Variants in SMAP1 observed in about 807,000 individuals in gnomAD.
The protein encoded by SMAP1 is stromal membrane-associated protein 1.
SMAP1 carries 24 observed loss-of-function variants against 58.5 expected under a neutral mutation model. That is an observed-to-expected ratio of 0.41 (90% CI 0.30 to 0.58). The LOEUF (loss-of-function observed/expected upper bound fraction) is 0.58. Among genes scored for constraint, SMAP1 ranks in the 20% least tolerant of loss-of-function variants. SMAP1 has a pLI of 0.29. For synonymous variants in SMAP1, 216 were observed against 196.6 expected (o/e 1.10, Z -0.82); for missense variants, 563 against 566.3 (o/e 0.99, Z 0.06).
rs944942104 is a variant in SMAP1, at chr6:70,858,010, T to C, written c.1050T>C (p.Pro350=). 3 of 1,614,042 alleles carry C rather than the reference T, an allele frequency of 1.9e-6. No homozygotes were observed. The highest frequency in any genetic ancestry group is 1.7e-5 in the Admixed American group (1 of 60,008). Reference sequence around the variant, plus strand: ...TTCCATCGATGGGCGTGCCTGTGCCTGCAGCTCCTGGCCTTATAGGAAATG... The same window carrying C: ...TTCCATCGATGGGCGTGCCTGTGCCCGCAGCTCCTGGCCTTATAGGAAATG... The part of the protein sequence containing the change: ...QGFPSMGVPV[P]AAPGLIGNVM... The change falls in exon 10 of 11, where the codon CCT becomes CCC. Residue 350 remains proline (P), a synonymous_variant. Transcript: ENST00000370455.
chr6:70,723,444 A>T (rs1768619942), intron 1 of SMAP1, among the ~76,000 whole-genome samples: 1 of 151,892 alleles, frequency 6.6e-6, no homozygotes, highest in African/African-American at 2.4e-5. Flanking sequence ...TGCCTTGATT[A>T]CTCTTTCCCC....
At chr6:70,677,905 A>G (rs1766551097) in intron 1 of SMAP1, among the ~76,000 whole-genome samples, 1 of 152,136 alleles carries the variant, frequency 6.6e-6, no homozygotes, top group Non-Finnish European at 1.5e-5. Context: ...TATTAATGTC[A>G]GTATTTCTAC....
chr6:70,677,878 C>T (rs942352443), intron 1 of SMAP1, among the ~76,000 whole-genome samples: 1 of 152,122 alleles, frequency 6.6e-6, no homozygotes, highest in African/African-American at 2.4e-5. Flanking sequence ...AATTGTTTCA[C>T]TGTAATGCTT....
At chr6:70,758,614 G>A (rs1766616608) in intron 3 of SMAP1, among the ~76,000 whole-genome samples, 1 of 152,112 alleles carries the variant, frequency 6.6e-6, no homozygotes, top group Admixed American at 6.6e-5. Flanking sequence ...AGGAAGAATA[G>A]TTGGAGGTGG....
intron 6 of SMAP1, among the ~76,000 whole-genome samples, chr6:70,799,053 G>T (rs2149953271): frequency 6.6e-6 from 1 of 152,186 alleles, no homozygotes; most frequent in Admixed American, 6.5e-5. Context: ...AGAGAATGAA[G>T]AGAACATAAA....
At chr6:70,811,471 G>A (rs973799210) in intron 6 of SMAP1, among the ~76,000 whole-genome samples, 5 of 152,022 alleles carry the variant, frequency 3.3e-5, no homozygotes, top group South Asian at 2.1e-4. Flanking sequence ...TGCCTGTTAC[G>A]CGATCCTCGG....
intron 2 of SMAP1, among the ~76,000 whole-genome samples, chr6:70,733,239 A>T (rs1582081536): frequency 6.6e-6 from 1 of 152,208 alleles, no homozygotes; most frequent in Non-Finnish European, 1.5e-5. Flanking sequence ...AGACTCAGTG[A>T]TACATCTCAG....
chr6:70,772,316 T>G (rs760624298), intron 3 of SMAP1, among the ~76,000 whole-genome samples: 3 of 152,190 alleles, frequency 2.0e-5, no homozygotes, highest in African/African-American at 2.4e-5. Context: ...TTAAAAAATT[T>G]TTATGAATGG....
At chr6:70,680,102 T>TCAA (rs140699249) in intron 1 of SMAP1, among the ~76,000 whole-genome samples, 32,311 of 150,330 alleles carry the variant, frequency 0.21, 3,502 homozygotes, top group South Asian at 0.25. Context: ...GATAGTCTTT[T>TCAA]CAACAACAAC....
intron 6 of SMAP1, among the ~76,000 whole-genome samples, chr6:70,836,053 G>A (rs745825812): frequency 6.6e-6 from 1 of 152,160 alleles, no homozygotes; most frequent in Non-Finnish European, 1.5e-5. Flanking sequence ...TGTGTCTCAT[G>A]TATCATACAG....
chr6:70,669,204 G>C (rs1328874739), intron 1 of SMAP1, among the ~76,000 whole-genome samples: 1 of 152,114 alleles, frequency 6.6e-6, no homozygotes, highest in African/African-American at 2.4e-5. Flanking sequence ...AAATAGGGTA[G>C]TTCTCTAAAG....
intron 7 of SMAP1, among the ~76,000 whole-genome samples, chr6:70,846,156 C>T (rs182018064): frequency 6.6e-6 from 1 of 152,220 alleles, no homozygotes; most frequent in Non-Finnish European, 1.5e-5. Flanking sequence ...GATTTGTAGC[C>T]AGGAGATTGC....
At chr6:70,835,545 G>T (rs560344669) in intron 6 of SMAP1, among the ~76,000 whole-genome samples, 1 of 152,190 alleles carries the variant, frequency 6.6e-6, no homozygotes, top group East Asian at 1.9e-4. Flanking sequence ...TTACTCTGTT[G>T]CCCAGGCTGG....
At chr6:70,768,179 A>T (rs543391347) in intron 3 of SMAP1, among the ~76,000 whole-genome samples, 8 of 152,292 alleles carry the variant, frequency 5.3e-5, no homozygotes, top group Admixed American at 2.0e-4. Flanking sequence ...TTTTTGCATC[A>T]ATGTTCATCA....
In SMAP1 at chr6:70,756,470, A is replaced by C. The variant is rs184656408; in HGVS notation, c.338+1405A>C. On this transcript the variant is annotated intron_variant, in intron 3 of 10. Coordinates refer to ENST00000370455, the MANE Select transcript of SMAP1 (RefSeq NM_001044305.3). ...TCTGATATCCGAAGCTGTATTTGTTATAGAAAGTTTGCAGGGTTAATGGTA... is the reference window on the plus strand; with the variant it reads ...TCTGATATCCGAAGCTGTATTTGTTCTAGAAAGTTTGCAGGGTTAATGGTA... Among the ~76,000 whole-genome samples the C allele has an allele frequency of 8.5e-5, 13 of 152,202 alleles. No individual in the cohort carries two copies. In the East Asian group the frequency reaches 2.5e-3, roughly 29 times the overall value.
intron 1 of SMAP1, among the ~76,000 whole-genome samples, chr6:70,692,757 A>G (rs955824198): frequency 1.3e-4 from 20 of 151,958 alleles, no homozygotes; most frequent in African/African-American, 4.1e-4. Flanking sequence ...TGGGTTTTCT[A>G]TTCGATTCCA....
At chr6:70,795,807 A>C (rs1038866748) in intron 5 of SMAP1, among the ~76,000 whole-genome samples, 5 of 150,614 alleles carry the variant, frequency 3.3e-5, no homozygotes, top group Non-Finnish European at 5.9e-5. Context: ...GCATGGTCTC[A>C]GCTCACTGCA....
chr6:70,846,492 T>G (rs765548591), intron 7 of SMAP1, among the ~76,000 whole-genome samples: 2 of 152,068 alleles, frequency 1.3e-5, no homozygotes, highest in Non-Finnish European at 2.9e-5. Context: ...TCCGATGCCA[T>G]AAAAACTAAA....
At chr6:70,717,614 G>A (rs1306560395) in intron 1 of SMAP1, among the ~76,000 whole-genome samples, 1 of 152,196 alleles carries the variant, frequency 6.6e-6, no homozygotes, top group African/African-American at 2.4e-5. Context: ...TTCTCTCAGA[G>A]GAAATTGATC....
Sources: gnomAD v4.1 joint callset for allele counts (sites outside exome capture counted in the v4.1 genomes callset) on GRCh38, gnomAD v4.1.1 for gene constraint, MANE v1.5 for transcripts, NCBI Gene and HGNC (gene_info 2026-07-23, HGNC 2026-07-21) for gene names.